The following BCAS3 variants were observed in gnomAD, a reference collection of about 807,000 sequenced individuals.
The protein encoded by BCAS3 is BCAS3 microtubule associated cell migration factor.
A neutral mutation model predicts 116.1 loss-of-function variants in BCAS3; 53 were observed. The ratio of observed to expected loss-of-function variants is 0.46; its 90% confidence interval spans 0.37 to 0.57. The LOEUF is 0.57. Ranked by LOEUF, BCAS3 falls within the 20% of genes least tolerant of loss-of-function variation. The pLI, the probability that BCAS3 is intolerant of heterozygous loss-of-function variation, is 0.00. For synonymous variants in BCAS3, 391 were observed against 408.2 expected, an observed-to-expected ratio of 0.96 and a Z score of 0.51; for missense variants, 917 against 1,165.4, an observed-to-expected ratio of 0.79 and a Z score of 3.10.
At chr17:60,749,682 T>C (rs2042286158) in intron 6 of BCAS3, among the ~76,000 whole-genome samples, 2 of 152,348 alleles carry the variant, frequency 1.3e-5, no homozygotes, top group East Asian at 1.9e-4. Flanking sequence ...TCTGCTGTTA[T>C]GTTTTTCTTA....
At position 60,976,020 on chromosome 17, in the gene BCAS3, CTTTTT is replaced by C. The variant is rs755966067; in HGVS notation, c.1222-13935_1222-13931del. On this transcript the variant is annotated intron_variant, in intron 14 of 23. Coordinates refer to ENST00000407086, the MANE Select transcript of BCAS3 (RefSeq NM_017679.5). The stretch of plus-strand genomic sequence containing the variant: ...GCAAACATTTGTATATAGATTTTTG[CTTTTT>C]TTTTTTTTTTTTTTTCTTTTTGAGA... Among the ~76,000 whole-genome samples, 20 of 98,312 alleles carry C rather than the reference CTTTTT, an allele frequency of 2.0e-4. No homozygotes were observed. In the South Asian group the frequency reaches 2.6e-3, roughly 13 times the overall value. 64.5% of individuals were successfully genotyped at this position (98,312 alleles called of 152,430 possible). A position where few individuals can be genotyped will look rare whatever the true frequency, so the allele number is the denominator to read the frequency against.
intron 15 of BCAS3, among the ~76,000 whole-genome samples, chr17:61,009,818 A>T (rs545659380): frequency 6.6e-6 from 1 of 152,104 alleles, no homozygotes; most frequent in Admixed American, 6.6e-5. Context: ...CTGCATTCAG[A>T]AGCTAAGAAT....
chr17:61,115,993 A>G (rs1204087756), intron 22 of BCAS3, among the ~76,000 whole-genome samples: 1 of 150,564 alleles, frequency 6.6e-6, no homozygotes, highest in Non-Finnish European at 1.5e-5. Flanking sequence ...TCGCAAGAAC[A>G]AAAAACCAAA....
chr17:61,284,006 G>C (rs2051489400), intron 22 of BCAS3, among the ~76,000 whole-genome samples: 1 of 152,174 alleles, frequency 6.6e-6, no homozygotes, highest in Non-Finnish European at 1.5e-5. Flanking sequence ...GATCTTGAGA[G>C]GTGAAGCCGG....
chr17:61,093,784 T>C (rs895457771), intron 22 of BCAS3, among the ~76,000 whole-genome samples: 3 of 152,226 alleles, frequency 2.0e-5, no homozygotes, highest in Admixed American at 1.3e-4. Context: ...TTACCCACAT[T>C]GTACTACCTT....
intron 7 of BCAS3, chr17:60,810,282 C>G (rs1750115229): frequency 2.2e-6 from 1 of 450,924 alleles, no homozygotes; most frequent in African/African-American, 2.0e-5. Context: ...GTGCAGGCAC[C>G]AGGGGCTCTG....
chr17:61,109,212 G>A (rs2074890916), intron 22 of BCAS3, among the ~76,000 whole-genome samples: 1 of 148,898 alleles, frequency 6.7e-6, no homozygotes, highest in African/African-American at 2.5e-5. Flanking sequence ...AAGAATAATA[G>A]TCCCCAGTTC....
At chr17:60,844,317 A>G (rs2052288363) in intron 7 of BCAS3, among the ~76,000 whole-genome samples, 1 of 152,192 alleles carries the variant, frequency 6.6e-6, no homozygotes, top group Non-Finnish European at 1.5e-5. Flanking sequence ...AGAATATAAA[A>G]GGCAATAGTT....
At chr17:61,014,355 G>A (rs75015858) in intron 15 of BCAS3, among the ~76,000 whole-genome samples, 2,369 of 152,134 alleles carry the variant, frequency 0.016, 22 homozygotes, top group Non-Finnish European at 0.026. Context: ...AGAAAATGTG[G>A]TATTGGTGAA....
Position 61,208,149 on chromosome 17 carries a change from T to G in BCAS3, c.2425+123585T>G, listed in dbSNP as rs541734168. Among the ~76,000 whole-genome samples, 7 of 152,334 alleles carry G rather than the reference T, an allele frequency of 4.6e-5. No individual in the cohort carries two copies. In the East Asian group the frequency reaches 1.3e-3, roughly 29 times the overall value. Reference sequence around the variant, plus strand: ...TCTACTTAGTATTTCAAATCTAAATTCAGGATGGGAAGGTTTCATGAACTT... The same window carrying G: ...TCTACTTAGTATTTCAAATCTAAATGCAGGATGGGAAGGTTTCATGAACTT... On this transcript the variant is annotated intron_variant, in intron 22 of 23. Coordinates refer to ENST00000407086, the MANE Select transcript of BCAS3 (RefSeq NM_017679.5). The surrounding 1 kb of genome is among the most constrained non-coding windows in gnomAD (Gnocchi z 4.5).
At chr17:61,080,863 TTTTG>T (rs1246639665) in intron 21 of BCAS3, among the ~76,000 whole-genome samples, 25 of 152,348 alleles carry the variant, frequency 1.6e-4, no homozygotes, top group African/African-American at 5.5e-4. Context: ...CTGCTTTGTA[TTTTG>T]TTTTTTTCTT....
chr17:61,103,459 A>G lies in BCAS3; in HGVS notation c.2425+18895A>G, dbSNP rs190260084. Among the ~76,000 whole-genome samples, 14 of 152,298 alleles carry G rather than the reference A, an allele frequency of 9.2e-5. No homozygotes were observed. In the East Asian group the frequency reaches 2.7e-3, roughly 29 times the overall value. ...GGAGGTTTTTGGTGGGGACTAAGGA[A>G]TGAAATTAACTCCCTAAGTCTCCTC... On this transcript the variant is annotated intron_variant, in intron 22 of 23. Transcript: ENST00000407086.
intron 13 of BCAS3, among the ~76,000 whole-genome samples, chr17:60,940,214 G>T (rs984420131): frequency 6.6e-6 from 1 of 152,120 alleles, no homozygotes; most frequent in Non-Finnish European, 1.5e-5. Context: ...TCTAATTTAT[G>T]TTGGTTATGG....
At chr17:60,974,636 TATC>T (rs1446867996) in intron 14 of BCAS3, among the ~76,000 whole-genome samples, 2 of 152,238 alleles carry the variant, frequency 1.3e-5, no homozygotes, top group Non-Finnish European at 2.9e-5. Flanking sequence ...CCAAATTTTA[TATC>T]ATTATAATGA....
rs1254977380 is a variant in BCAS3, at chr17:61,229,342, G to C, written c.2426-138985G>C. Among the ~76,000 whole-genome samples, 1 of 152,198 alleles carries C rather than the reference G, an allele frequency of 6.6e-6. No individual in the cohort carries two copies. Among genetic ancestry groups the C allele is most frequent in the African/African-American group, 2.4e-5 (1 of 41,444 alleles). ...GAAGCTATTTGCATAATATAAAAGG[G>C]CAAGATGAAGCAGCAAGTGCTGATG... On this transcript the variant is annotated intron_variant, in intron 22 of 23. Transcript: ENST00000407086. The surrounding 1 kb of genome is among the most constrained non-coding windows in gnomAD (Gnocchi z 4.4).
chr17:60,994,459 C>A lies in BCAS3; in HGVS notation c.1486+4224C>A, dbSNP rs2063717380. On this transcript the variant is annotated intron_variant, in intron 15 of 23. Coordinates refer to ENST00000407086, the MANE Select transcript of BCAS3 (RefSeq NM_017679.5). This position sits in a 1 kb window ranked among gnomAD's most constrained non-coding sequence, Gnocchi z 4.4. ...CTGTGATACAAAAATGGTTAAGAATCCCTGATCATCATTTTTTCCCTCATC... is the reference window on the plus strand; with the variant it reads ...CTGTGATACAAAAATGGTTAAGAATACCTGATCATCATTTTTTCCCTCATC... Among the ~76,000 whole-genome samples the A allele has an allele frequency of 1.3e-5, 2 of 152,084 alleles. No individual in the cohort carries two copies. The highest frequency in any genetic ancestry group is 2.9e-5 in the Non-Finnish European group (2 of 68,006).
At chr17:60,726,238 T>C (rs930323003) in intron 5 of BCAS3, among the ~76,000 whole-genome samples, 1 of 139,930 alleles carries the variant, frequency 7.1e-6, no homozygotes, top group Non-Finnish European at 1.5e-5. Context: ...TCTCACTCTG[T>C]TGCCCAGGCT....
chr17:61,002,918 CT>C (rs1382378512), intron 15 of BCAS3, among the ~76,000 whole-genome samples: 2 of 151,874 alleles, frequency 1.3e-5, no homozygotes, highest in Non-Finnish European at 2.9e-5. Context: ...GTTGTTTACC[CT>C]TTAAATATAA....
At chr17:61,322,436 C>T (rs2055296958) in intron 22 of BCAS3, among the ~76,000 whole-genome samples, 1 of 152,270 alleles carries the variant, frequency 6.6e-6, no homozygotes, top group Non-Finnish European at 1.5e-5. Flanking sequence ...GCATTGCCTG[C>T]CAGGGTTACA....
Sources: allele counts gnomAD v4.1 joint callset (sites outside exome capture counted in the v4.1 genomes callset), GRCh38; gene constraint gnomAD v4.1.1; non-coding constraint Gnocchi (gnomAD v3.1); transcripts MANE v1.5; gene names NCBI Gene and HGNC (gene_info 2026-07-23, HGNC 2026-07-21).